Variants in SRBD1 observed in about 807,000 individuals in gnomAD.
The protein encoded by SRBD1 is S1 RNA binding domain 1, also known as S1 RNA-binding domain-containing protein 1.
A neutral mutation model predicts 115.3 loss-of-function variants in SRBD1; 88 were observed. That is an observed-to-expected ratio of 0.76 (90% CI 0.64 to 0.91). The LOEUF (loss-of-function observed/expected upper bound fraction) is 0.91, where lower values mean the gene tolerates loss of function less well. SRBD1 is among the 40% of genes least tolerant of loss of function. The pLI is 0.00. For synonymous variants in SRBD1, 509 were observed against 407.7 expected, an observed-to-expected ratio of 1.25 and a Z score of -2.99; for missense variants, 1,385 against 1,177.4, an observed-to-expected ratio of 1.18 and a Z score of -2.58.
intron 14 of SRBD1, among the ~76,000 whole-genome samples, chr2:45,543,984 A>G (rs11896801): frequency 0.089 from 13,582 of 152,162 alleles, 1,091 homozygotes; most frequent in African/African-American, 0.22. Context: ...TTCTGAAAGA[A>G]AATGCCTAAT....
chr2:45,394,351 A>G (rs1261871722), intron 19 of SRBD1, among the ~76,000 whole-genome samples: 4 of 152,190 alleles, frequency 2.6e-5, no homozygotes, highest in Non-Finnish European at 4.4e-5. Context: ...CTTTCTTGAC[A>G]TTCCTTGGCT....
At chr2:45,604,797 T>A (rs1415180907) in intron 2 of SRBD1, among the ~76,000 whole-genome samples, 2 of 152,192 alleles carry the variant, frequency 1.3e-5, no homozygotes, top group Non-Finnish European at 2.9e-5. Flanking sequence ...CCTGTTTTAT[T>A]TTTCTTTATA....
intron 16 of SRBD1, among the ~76,000 whole-genome samples, chr2:45,446,715 C>T (rs1438667698): frequency 6.7e-6 from 1 of 149,756 alleles, no homozygotes; most frequent in African/African-American, 2.4e-5. Flanking sequence ...AAAAACCCCA[C>T]AGAACACCTA....
At position 45,496,675 on chromosome 2, in the gene SRBD1, C is replaced by A. The variant is rs192853869; in HGVS notation, c.1875-8344G>T. Among the ~76,000 whole-genome samples the A allele has an allele frequency of 3.0e-3, 451 of 152,218 alleles. 2 individuals are homozygous for A. The highest frequency in any genetic ancestry group is 5.0e-3 in the Non-Finnish European group (339 of 68,018). ...TAACAAATGACATACATTCATGATG[C>A]CATTCCTCACTCCTCCCTCTCTCCC... On this transcript the variant is annotated intron_variant, in intron 14 of 20. Transcript: ENST00000263736.
intron 5 of SRBD1, among the ~76,000 whole-genome samples, chr2:45,582,352 G>A (rs1278426204): frequency 5.9e-5 from 9 of 152,130 alleles, no homozygotes; most frequent in African/African-American, 1.9e-4. Flanking sequence ...GTCATACTGT[G>A]TTCTTACTAC....
intron 15 of SRBD1, among the ~76,000 whole-genome samples, 157 bp downstream of exon 15, chr2:45,488,080 AATT>A (rs763485298): frequency 3.0e-4 from 45 of 152,190 alleles, no homozygotes; most frequent in Non-Finnish European, 1.3e-4. Flanking sequence ...CCATAATTTC[AATT>A]ATTAGTCCAA....
At chr2:45,567,217 C>CA (rs1349265055) in intron 9 of SRBD1, among the ~76,000 whole-genome samples, 2 of 152,138 alleles carry the variant, frequency 1.3e-5, no homozygotes, top group East Asian at 3.9e-4. Context: ...AACAAATTGT[C>CA]AGAGTTTTAA....
Position 45,465,087 on chromosome 2 carries a change from C to G in SRBD1, c.2049+11906G>C, listed in dbSNP as rs943479473. ...GGTATGGGGGATTTTTTCTAGGACT[C>G]CCTGCAGATACCCAAATCCATAGGT... On this transcript the variant is annotated intron_variant, in intron 16 of 20. Coordinates refer to ENST00000263736, the MANE Select transcript of SRBD1 (RefSeq NM_018079.5). Among the ~76,000 whole-genome samples the G allele has an allele frequency of 2.0e-5, 3 of 151,548 alleles. No individual in the cohort carries two copies. The East Asian group carries it at 5.9e-4, about 30-fold the overall frequency.
chr2:45,431,276 T>C (rs1668327494), intron 16 of SRBD1, among the ~76,000 whole-genome samples: 2 of 152,144 alleles, frequency 1.3e-5, no homozygotes, highest in African/African-American at 2.4e-5. Context: ...GAAACACCAT[T>C]TGACCCAGCA....
chr2:45,565,093 C>G (rs1040594106), intron 9 of SRBD1, among the ~76,000 whole-genome samples: 1 of 152,162 alleles, frequency 6.6e-6, no homozygotes, highest in African/African-American at 2.4e-5. Flanking sequence ...AAATCCCTAT[C>G]AAATCCCAAT....
intron 16 of SRBD1, among the ~76,000 whole-genome samples, chr2:45,444,308 G>A (rs1489286190): frequency 6.6e-6 from 1 of 152,162 alleles, no homozygotes; most frequent in African/African-American, 2.4e-5. Flanking sequence ...AGGAGACTGA[G>A]GTGGGAGAGT....
intron 14 of SRBD1, among the ~76,000 whole-genome samples, chr2:45,534,820 AT>A (rs1671718250): frequency 6.6e-6 from 1 of 151,942 alleles, no homozygotes; most frequent in African/African-American, 2.4e-5. Context: ...AAGTCTACTG[AT>A]TTTTTGGAAA....
chr2:45,509,598 A>AAAAC (rs1348194414), intron 14 of SRBD1, among the ~76,000 whole-genome samples: 16 of 125,524 alleles, frequency 1.3e-4, no homozygotes, highest in African/African-American at 4.5e-4. Context: ...TCCGTCTCAA[A>AAAAC]ACACACACAC....
chr2:45,413,364 T>C lies in SRBD1; in HGVS notation c.2334-71A>G, dbSNP rs1572609451. 3.9e-6 allele frequency: 6 copies of C among 1,520,146 alleles called. No homozygotes were observed. In the African/African-American group the frequency reaches 4.2e-5, roughly 11 times the overall value. 94.2% of individuals were successfully genotyped at this position (1,520,146 alleles called of 1,614,324 possible). A position where few individuals can be genotyped will look rare whatever the true frequency, so the allele number is the denominator to read the frequency against. ...GGGCAGAAAAGTCTTCAAATTAAAA[T>C]GTGCTTACTTCTCTGTCATACAAAT... On this transcript the variant is annotated intron_variant, in intron 18 of 20. Transcript: ENST00000263736.
intron 7 of SRBD1, among the ~76,000 whole-genome samples, chr2:45,576,147 G>A (rs151309656): frequency 1.2e-3 from 178 of 151,978 alleles, no homozygotes; most frequent in African/African-American, 3.7e-3. Context: ...CCTTTTTCTC[G>A]TCAGCCTATT....
intron 14 of SRBD1, among the ~76,000 whole-genome samples, chr2:45,519,756 T>C (rs1424001525): frequency 6.6e-6 from 1 of 152,214 alleles, no homozygotes; most frequent in African/African-American, 2.4e-5. Flanking sequence ...TTAAATGTGT[T>C]GACTTTCAGA....
At chr2:45,548,707 T>C (rs552540435) in intron 12 of SRBD1, among the ~76,000 whole-genome samples, 225 of 115,322 alleles carry the variant, frequency 2.0e-3, no homozygotes, top group Non-Finnish European at 3.1e-3. Context: ...ACATGATATA[T>C]GAACAGATGC....
At position 45,599,527 on chromosome 2, in the gene SRBD1, A is replaced by AGGATATGTCTCAGG; in HGVS notation, c.569_570insCCTGAGACATATCC (p.Gln191LeufsTer25). ...CTGGAAACTTGACAGGCTGCCCCTG[A>AGGATATGTCTCAGG]GGATATGTCTCAGTCTTGATTTTCT... On this transcript the variant is annotated frameshift_variant, in exon 4 of 21. Coordinates refer to ENST00000263736, the MANE Select transcript of SRBD1 (RefSeq NM_018079.5). LOFTEE classifies it high-confidence loss of function. 1 of 1,614,232 alleles carries AGGATATGTCTCAGG rather than the reference A, an allele frequency of 6.2e-7. No individual in the cohort carries two copies. Among genetic ancestry groups the AGGATATGTCTCAGG allele is most frequent in the Non-Finnish European group, 8.5e-7 (1 of 1,180,038 alleles).
chr2:45,425,879 T>C (rs1408654690), intron 16 of SRBD1, among the ~76,000 whole-genome samples: 2 of 152,044 alleles, frequency 1.3e-5, no homozygotes, highest in Non-Finnish European at 2.9e-5. Context: ...CTTGGGTGCC[T>C]ACACCATCAG....
Sources: gnomAD v4.1 joint callset for allele counts (sites outside exome capture counted in the v4.1 genomes callset) on GRCh38, gnomAD v4.1.1 for gene constraint, MANE v1.5 for transcripts, NCBI Gene and HGNC (gene_info 2026-07-23, HGNC 2026-07-21) for gene names.